FAM83H: variants seen among roughly 807,000 people sequenced by gnomAD.
FAM83H encodes the protein scaffolding CK1 anchoring protein H, also known as protein FAM83H.
In FAM83H, 24 loss-of-function variants were observed where a neutral mutation model predicts 30.2. That is an observed-to-expected ratio of 0.79 (90% CI 0.57 to 1.12). The LOEUF (loss-of-function observed/expected upper bound fraction) is 1.12. Ranked by LOEUF, FAM83H falls within the 50% of genes most tolerant of loss-of-function variation. The probability of loss-of-function intolerance (pLI) is 0.00; values close to 1 mark genes in which losing one functional copy is unlikely to be tolerated. For missense variants in FAM83H, 2,038 were observed against 1,773.9 expected (o/e 1.15, Z -2.67); for synonymous variants, 1,013 against 821.7 (o/e 1.23, Z -3.98).
In FAM83H at chr8:143,726,487, C is replaced by T. The variant is rs943655969; in HGVS notation, c.2974G>A (p.Glu992Lys). ...CGCGGGCTCTCGGGTTGGCCGTTCT[C>T]CTGCGGCACTGGGAAGCCACCCTCA... ...EDEGGFPVPQ[E>K]NGQPESPRRL... Residue 992 changes from glutamate (E) to lysine (K), a missense_variant, in exon 5 of 5, where the codon GAG becomes AAG. Coordinates refer to ENST00000388913, the MANE Select transcript of FAM83H (RefSeq NM_198488.5). 11 of 1,605,256 alleles carry T rather than the reference C, an allele frequency of 6.9e-6. No homozygotes were observed. The highest frequency in any genetic ancestry group is 9.3e-6 in the Non-Finnish European group (11 of 1,179,220).
In FAM83H at chr8:143,733,069, C is replaced by A. The variant is rs1327842955; in HGVS notation, c.-16+622G>T. On this transcript the variant is annotated intron_variant, in intron 1 of 4. Coordinates refer to ENST00000388913, the MANE Select transcript of FAM83H (RefSeq NM_198488.5). This position sits in a 1 kb window ranked among gnomAD's most constrained non-coding sequence, Gnocchi z 5.6. Reference sequence around the variant, plus strand: ...AGGAGGGCGCGGAGGCTCTAGGCGGCGGAAAGGTGGGGTGCGGAGGACGGG... The same window carrying A: ...AGGAGGGCGCGGAGGCTCTAGGCGGAGGAAAGGTGGGGTGCGGAGGACGGG... The A allele has an allele frequency of 1.3e-5, 2 of 154,660 alleles. 1 individual carries two copies. The highest frequency in any genetic ancestry group is 1.0e-3 in the Middle Eastern group (2 of 1,920). 9.6% of individuals were successfully genotyped at this position (154,660 alleles called of 1,614,324 possible). A position where few individuals can be genotyped will look rare whatever the true frequency, so the allele number is the denominator to read the frequency against.
Position 143,727,737 on chromosome 8 carries a change from C to A in FAM83H, c.1724G>T (p.Arg575Leu), listed in dbSNP as rs1554622836. ...EPERRGGPEG[R>L]AGLRRWRLAS... The stretch of plus-strand genomic sequence containing the variant: ...CAAACGCCAGCGCCGCAGCCCTGCC[C>A]GCCCCTCGGGCCCGCCCCTGCGCTC... The change falls in exon 5 of 5, where the codon CGG becomes CTG. Residue 575 changes from arginine to leucine, a missense_variant. By Grantham distance (102) the Arg-to-Leu change is moderately radical. Transcript: ENST00000388913. 1 of 1,523,484 alleles carries A rather than the reference C, an allele frequency of 6.6e-7. No homozygotes were observed. The highest frequency in any genetic ancestry group is 8.7e-7 in the Non-Finnish European group (1 of 1,143,414). The allele number at this position is 1,523,484 out of a possible 1,614,324, so 94.4% of individuals were successfully genotyped here.
chr8:143,730,883 C>T (rs1351914563), intron 1 of FAM83H, among the ~76,000 whole-genome samples: 1 of 152,138 alleles, frequency 6.6e-6, no homozygotes, highest in African/African-American at 2.4e-5. Flanking sequence ...TGCTTGAAGC[C>T]AGGAGTTTGA....
intron 1 of FAM83H, chr8:143,732,454 G>T: frequency 1.0e-6 from 1 of 985,312 alleles, no homozygotes. Flanking sequence ...TACAGGGCAG[G>T]GGGAACAACC....
At position 143,726,449 on chromosome 8, in the gene FAM83H, C is replaced by T; in HGVS notation, c.3012G>A (p.Leu1004=). The T allele has an allele frequency of 6.2e-7, 1 of 1,602,884 alleles. No individual in the cohort carries two copies. The highest frequency in any genetic ancestry group is 8.5e-7 in the Non-Finnish European group (1 of 1,177,594). ...GQPESPRRLS[L]GQGDSTEAAT... is the part of the protein sequence containing the mutation. ...CAGCCTCCGTGCTGTCACCCTGGCCCAGTGACAGACGCCGCGGGCTCTCGG... is the reference window on the plus strand; with the variant it reads ...CAGCCTCCGTGCTGTCACCCTGGCCTAGTGACAGACGCCGCGGGCTCTCGG... The change falls in exon 5 of 5, where the codon CTG becomes CTA. Residue 1004 remains leucine, a synonymous_variant. Coordinates refer to ENST00000388913, the MANE Select transcript of FAM83H (RefSeq NM_198488.5).
In FAM83H at chr8:143,730,550, C is replaced by T. The variant is rs1554624234; in HGVS notation, c.33G>A (p.Gly11=). 1.3e-6 allele frequency: 2 copies of T among 1,565,834 alleles called. No individual in the cohort carries two copies. Among genetic ancestry groups the T allele is most frequent in the Non-Finnish European group, 8.7e-7 (1 of 1,155,150 alleles). Residue 11 remains glycine, a synonymous_variant, in exon 2 of 5, where the codon GGG becomes GGA. Transcript: ENST00000388913. The part of the protein sequence containing the change: MARRSQSSSQ[G]DNPLAPGYLP... ...GGTACCCGGGTGCCAGTGGGTTGTC[C>T]CCCTGCGAGGAGCTCTGAGAGCGAC...
At chr8:143,731,118 ACCC>A (rs11432677) in intron 1 of FAM83H, among the ~76,000 whole-genome samples, 23 of 145,440 alleles carry the variant, frequency 1.6e-4, no homozygotes, top group South Asian at 6.5e-4. Flanking sequence ...AATAAAACGA[ACCC>A]CCCCCCCCAA....
Position 143,729,260 on chromosome 8 carries a change from C to A in FAM83H, c.511G>T (p.Ala171Ser), listed in dbSNP as rs201528293. 1 of 1,613,402 alleles carries A rather than the reference C, an allele frequency of 6.2e-7. No homozygotes were observed. Among genetic ancestry groups the A allele is most frequent in the Non-Finnish European group, 8.5e-7 (1 of 1,180,016 alleles). The change falls in exon 3 of 5, where the codon GCG (alanine) becomes TCG (serine). Residue 171 changes from alanine to serine, a missense_variant. Coordinates refer to ENST00000388913, the MANE Select transcript of FAM83H (RefSeq NM_198488.5). ...VDLLSEVLEA[A>S]ARRVPVYILL... is the part of the protein sequence containing the mutation. ...ATGTAGACTGGGACCCGACGGGCCG[C>A]GGCCTCCAGCACTTCGCTGAGCAGG...
chr8:143,725,604 C>G lies in FAM83H; in HGVS notation c.*317G>C. 2.0e-6 allele frequency: 1 copy of G among 508,324 alleles called. No homozygotes were observed. The highest frequency in any genetic ancestry group is 3.5e-6 in the Non-Finnish European group (1 of 282,198). The allele number at this position is 508,324 out of a possible 1,614,324, so 31.5% of individuals were successfully genotyped here. On this transcript the variant is annotated 3_prime_UTR_variant, in exon 5 of 5. Transcript: ENST00000388913. ...AAAAAAATAAAGGGGGCGGGGGGGA[C>G]TGAGGCACAAAGAGATGGCGGAGCC...
Position 143,726,440 on chromosome 8 carries a change from A to G in FAM83H, c.3021T>C (p.Gly1007=), listed in dbSNP as rs1554621783. 12 of 1,602,462 alleles carry G rather than the reference A, an allele frequency of 7.5e-6. No individual in the cohort carries two copies. The highest frequency in any genetic ancestry group is 1.0e-5 in the Non-Finnish European group (12 of 1,177,216). The change falls in exon 5 of 5, where the codon GGT becomes GGC. Residue 1007 remains glycine, a synonymous_variant. Transcript: ENST00000388913. The stretch of plus-strand genomic sequence containing the variant: ...CTTCTGTGGCAGCCTCCGTGCTGTC[A>G]CCCTGGCCCAGTGACAGACGCCGCG... ...ESPRRLSLGQ[G]DSTEAATEER... is the part of the protein sequence containing the mutation.
chr8:143,726,763 G>T lies in FAM83H; in HGVS notation c.2698C>A (p.Gln900Lys), dbSNP rs782400915. The change falls in exon 5 of 5, where the codon CAG becomes AAG. Residue 900 changes from glutamine (Q) to lysine (K), a missense_variant. Coordinates refer to ENST00000388913, the MANE Select transcript of FAM83H (RefSeq NM_198488.5). The stretch of plus-strand genomic sequence containing the variant: ...TAGGCTGAGGTGGGGCTCCCCTTCT[G>T]CTCGATAAATCCTGTAGTTGGACTT... ...RGSPTTGFIE[Q>K]KGSPTSAYPE... 1 of 1,611,940 alleles carries T rather than the reference G, an allele frequency of 6.2e-7. No individual in the cohort carries two copies. Among genetic ancestry groups the T allele is most frequent in the Non-Finnish European group, 8.5e-7 (1 of 1,179,480 alleles).
rs782606594 is a variant in FAM83H at position 143,727,532 on chromosome 8, T to C, written c.1929A>G (p.Pro643=). The change falls in exon 5 of 5, where the codon CCA becomes CCG. Residue 643 remains proline, a synonymous_variant. Transcript: ENST00000388913. ...PAAFPTKVPV[P]GPGSGGNGPE... is the part of the protein sequence containing the mutation. ...GGCCGTTGCCGCCGCTGCCCGGGCCTGGCACCGGGACCTTGGTGGGGAAGG... is the reference window on the plus strand; with the variant it reads ...GGCCGTTGCCGCCGCTGCCCGGGCCCGGCACCGGGACCTTGGTGGGGAAGG... 5 of 1,583,866 alleles carry C rather than the reference T, an allele frequency of 3.2e-6. No individual in the cohort carries two copies. The highest frequency in any genetic ancestry group is 4.3e-6 in the Non-Finnish European group (5 of 1,172,420).
rs1554624082 is a variant in FAM83H, at chr8:143,730,341, C to A, written c.242G>T (p.Gly81Val). ...PQYVTREPPE[G>V]SLLDVDMDGS... ...ATCCATGTCCACGTCGAGAAGGCTG[C>A]CTTCAGGTGGCTCTCGGGTAACATA... The change falls in exon 2 of 5, where the codon GGC (glycine) becomes GTC (valine). Residue 81 changes from glycine (G) to valine (V), a missense_variant. Gly to Val is a moderately radical substitution (Grantham distance 109). Transcript: ENST00000388913. The A allele has an allele frequency of 3.7e-6, 6 of 1,613,676 alleles. No individual in the cohort carries two copies. The highest frequency in any genetic ancestry group is 1.3e-5 in the African/African-American group (1 of 74,948).
rs782083364 is a variant in FAM83H at position 143,730,518 on chromosome 8, G to T, written c.65C>A (p.Pro22His). 20 of 1,586,026 alleles carry T rather than the reference G, an allele frequency of 1.3e-5. No individual in the cohort carries two copies. The East Asian group carries it at 4.3e-4, about 34-fold the overall frequency. The change falls in exon 2 of 5, where the codon CCT becomes CAT. Residue 22 changes from proline (P) to histidine (H), a missense_variant. Transcript: ENST00000388913. ...DNPLAPGYLP[P>H]HYKEYYRLAV... ...CAGGCGGTAGTACTCTTTGTAGTGA[G>T]GCGGCAGGTACCCGGGTGCCAGTGG...
In FAM83H at chr8:143,726,336, G is replaced by A. The variant is rs782418256; in HGVS notation, c.3125C>T (p.Ala1042Val). Residue 1042 changes from alanine (A) to valine (V), a missense_variant, in exon 5 of 5, where the codon GCC becomes GTC. By Grantham distance (64) the Ala-to-Val change is moderately conservative. Transcript: ENST00000388913. ...YSSNLRDDTK[A>V]ILEQISAHGQ... ...GTGGGCACTGATCTGCTCCAGAATG[G>A]CCTTCGTGTCATCCCGAAGGTTGCT... 107 of 1,612,082 alleles carry A rather than the reference G, an allele frequency of 6.6e-5. No homozygotes were observed. The highest frequency in any genetic ancestry group is 8.8e-5 in the Non-Finnish European group (104 of 1,179,780).
chr8:143,732,223 C>T (rs1369881908), intron 1 of FAM83H: 20 of 985,426 alleles, frequency 2.0e-5, no homozygotes, highest in Non-Finnish European at 2.0e-5. Context: ...TGCCACTCAA[C>T]AGCCCTAGAT....
rs1204504539 is a variant in FAM83H at position 143,728,634 on chromosome 8, A to C, written c.827T>G (p.Ile276Ser). ...LVSSFDEEFR[I>S]LFAQSEPLVP... ...AAGCGGCTCGGACTGCGCGAAGAGG[A>C]TGCGGAACTCCTCGTCGAAGCTGGA... Residue 276 changes from isoleucine to serine, a missense_variant, in exon 5 of 5, where the codon ATC becomes AGC. Coordinates refer to ENST00000388913, the MANE Select transcript of FAM83H (RefSeq NM_198488.5). 1 of 1,608,860 alleles carries C rather than the reference A, an allele frequency of 6.2e-7. No individual in the cohort carries two copies. Among genetic ancestry groups the C allele is most frequent in the Non-Finnish European group, 8.5e-7 (1 of 1,179,884 alleles).
rs1818279169 is a variant in FAM83H at position 143,726,104 on chromosome 8, C to T, written c.3357G>A (p.Leu1119=). 6.2e-7 allele frequency: 1 copy of T among 1,611,334 alleles called. No homozygotes were observed. Among genetic ancestry groups the T allele is most frequent in the Non-Finnish European group, 8.5e-7 (1 of 1,179,298 alleles). Residue 1119 remains leucine (L), a synonymous_variant, in exon 5 of 5, where the codon CTG becomes CTA. Transcript: ENST00000388913. ...TGCGCATGCTCTCCATGCGGCGCAG[C>T]AGCCGATCGCGCTCCTCCGCGCTGG... ...LPASAEERDR[L]LRRMESMRKE... is the part of the protein sequence containing the mutation.
intron 1 of FAM83H, among the ~76,000 whole-genome samples, chr8:143,731,094 C>T (rs543322328): frequency 5.2e-4 from 71 of 135,932 alleles, no homozygotes; most frequent in African/African-American, 1.5e-3. Flanking sequence ...GACCACATCA[C>T]TACAAAAAAT....
Sources: allele counts gnomAD v4.1 joint callset (sites outside exome capture counted in the v4.1 genomes callset), GRCh38; gene constraint gnomAD v4.1.1; non-coding constraint Gnocchi (gnomAD v3.1); transcripts MANE v1.5; gene names NCBI Gene and HGNC (gene_info 2026-07-23, HGNC 2026-07-21).